ADGRB1: variants seen among roughly 807,000 people sequenced by gnomAD.
The protein encoded by ADGRB1 is brain-specific angiogenesis inhibitor 1.
In ADGRB1, 36 loss-of-function variants were observed where a neutral mutation model predicts 175.7. That is an observed-to-expected ratio of 0.20 (90% CI 0.16 to 0.27). ADGRB1 has a LOEUF of 0.27. Among genes scored for constraint, ADGRB1 ranks in the 10% least tolerant of loss-of-function variants. The probability of loss-of-function intolerance (pLI) is 1.00; values close to 1 mark genes in which losing one functional copy is unlikely to be tolerated. For missense variants in ADGRB1, 1,731 were observed against 2,255.3 expected (o/e 0.77, Z 4.71); for synonymous variants, 1,054 against 979.4 (o/e 1.08, Z -1.42).
chr8:142,478,102 A>C (rs1587294228), intron 6 of ADGRB1, 85 bp from the exon 7 acceptor site: 2 of 1,522,306 alleles, frequency 1.3e-6, no homozygotes, highest in South Asian at 1.2e-5. Context: ...GGGTGGTAGC[A>C]CCCAGGGTGC....
At chr8:142,533,524 G>T in intron 25 of ADGRB1, 58 bp downstream of exon 25, 1 of 1,509,370 alleles carries the variant, frequency 6.6e-7, no homozygotes, top group Non-Finnish European at 8.9e-7. Context: ...GCTGCCGAGT[G>T]GCCTCCTCCT....
rs1230576899 is a variant in ADGRB1 at position 142,521,906 on chromosome 8, G to A, written c.3025-59G>A. The A allele has an allele frequency of 7.8e-6, 12 of 1,529,354 alleles. No homozygotes were observed. The South Asian group carries it at 1.4e-4, about 18-fold the overall frequency. The allele number at this position is 1,529,354 out of a possible 1,614,324, so 94.7% of individuals were successfully genotyped here. ...CCAGCTGCAGACAGGCACTCAGTGGGGACAGGTGTGGGGCCGGGGAGCACC... is the reference window on the plus strand; with the variant it reads ...CCAGCTGCAGACAGGCACTCAGTGGAGACAGGTGTGGGGCCGGGGAGCACC... On this transcript the variant is annotated intron_variant, in intron 20 of 30. Coordinates refer to ENST00000517894, the MANE Select transcript of ADGRB1 (RefSeq NM_001702.3).
At chr8:142,487,488 G>A (rs537007425) in intron 13 of ADGRB1, among the ~76,000 whole-genome samples, 18 of 152,274 alleles carry the variant, frequency 1.2e-4, no homozygotes, top group Admixed American at 4.6e-4. Context: ...TCGGGCATCC[G>A]TGCCGCCCAC....
At position 142,478,061 on chromosome 8, in the gene ADGRB1, G is replaced by A. The variant is rs1386499448; in HGVS notation, c.1388-126G>A. On this transcript the variant is annotated intron_variant, in intron 6 of 30. Transcript: ENST00000517894. ...CTGGCCGTGGGTGGTGGCCCCCAGG[G>A]TGTTCTCATCTATGTCCCAGGCTGG... 1.0e-5 allele frequency: 13 copies of A among 1,296,760 alleles called. No individual in the cohort carries two copies. In the East Asian group the frequency reaches 1.3e-4, roughly 13 times the overall value. 80.3% of individuals were successfully genotyped at this position (1,296,760 alleles called of 1,614,324 possible).
chr8:142,481,184 C>T (rs1841315100), intron 9 of ADGRB1, 70 bp from the exon 10 acceptor site: 1 of 1,448,096 alleles, frequency 6.9e-7, no homozygotes, highest in African/African-American at 1.4e-5. Context: ...AGGTCTGCTG[C>T]CAGGGGCCAA....
chr8:142,533,610 G>A (rs920063128), intron 25 of ADGRB1, 144 bp downstream of exon 25: 53 of 1,013,404 alleles, frequency 5.2e-5, no homozygotes, highest in Non-Finnish European at 6.9e-5. Flanking sequence ...GGCCTCGGTG[G>A]TCCACAGAGC....
chr8:142,526,522 C>CCCCCCCA lies in ADGRB1; in HGVS notation c.3313-20_3313-19insCCCCCCA. 1.3e-6 allele frequency: 2 copies of CCCCCCCA among 1,543,514 alleles called. No individual in the cohort carries two copies. Among genetic ancestry groups the CCCCCCCA allele is most frequent in the Non-Finnish European group, 1.8e-6 (2 of 1,133,006 alleles). ...ACGGCGGCCCCCACCCCCACACCCC[C>CCCCCCCA]ACCACTCTCTGCCCGGCAGGTGAAC... On this transcript the variant is annotated intron_variant, in intron 23 of 30. Transcript: ENST00000517894.
At chr8:142,463,504 T>C (rs373656296) in intron 1 of ADGRB1, among the ~76,000 whole-genome samples, 2 of 152,356 alleles carry the variant, frequency 1.3e-5, no homozygotes, top group South Asian at 2.1e-4. Context: ...GTTTGCAGAA[T>C]CTTCCTGGGA....
intron 18 of ADGRB1, among the ~76,000 whole-genome samples, chr8:142,515,552 G>A (rs1010391548): frequency 1.2e-4 from 18 of 152,342 alleles, no homozygotes; most frequent in African/African-American, 3.8e-4. Flanking sequence ...GGCGCGAGAC[G>A]CTTACTCGGC....
chr8:142,484,923 C>G (rs1198798984), intron 13 of ADGRB1, among the ~76,000 whole-genome samples, 159 bp downstream of exon 13: 1 of 152,222 alleles, frequency 6.6e-6, no homozygotes, highest in Non-Finnish European at 1.5e-5. Context: ...TTTTCAGTCT[C>G]CTGAGGGTTG....
intron 6 of ADGRB1, among the ~76,000 whole-genome samples, 186 bp downstream of exon 6, chr8:142,477,735 C>A (rs1841059082): frequency 6.6e-6 from 1 of 152,218 alleles, no homozygotes; most frequent in Non-Finnish European, 1.5e-5. Flanking sequence ...ATTTCCCACC[C>A]ATATCCCAGG....
intron 2 of ADGRB1, among the ~76,000 whole-genome samples, chr8:142,468,321 A>T (rs1256417849): frequency 6.6e-6 from 1 of 152,034 alleles, no homozygotes; most frequent in Non-Finnish European, 1.5e-5. Context: ...GCGATTTTTG[A>T]CAGAACACAG....
intron 24 of ADGRB1, among the ~76,000 whole-genome samples, chr8:142,532,220 T>G (rs1844662088): frequency 6.6e-6 from 1 of 152,164 alleles, no homozygotes; most frequent in South Asian, 2.1e-4. Context: ...TGGGGCCTCC[T>G]GCGGGCAGGC....
chr8:142,502,375 GTTT>G, intron 17 of ADGRB1, among the ~76,000 whole-genome samples: 3 of 124,752 alleles, frequency 2.4e-5, no homozygotes, highest in Non-Finnish European at 3.5e-5. Flanking sequence ...TGGTTGCGTG[GTTT>G]TGATGATGAC....
intron 2 of ADGRB1, among the ~76,000 whole-genome samples, chr8:142,469,327 A>G (rs184061912): frequency 5.5e-5 from 8 of 145,596 alleles, no homozygotes; most frequent in Non-Finnish European, 9.0e-5. Flanking sequence ...ATGTGTGCAC[A>G]TGCATGTGTG....
intron 17 of ADGRB1, among the ~76,000 whole-genome samples, chr8:142,508,724 G>A (rs1322388336): frequency 1.3e-5 from 2 of 152,254 alleles, no homozygotes; most frequent in Non-Finnish European, 2.9e-5. Context: ...GGCACAGACA[G>A]AGGCATCCTC....
In ADGRB1 at chr8:142,520,886, T is replaced by C. The variant is rs1451016932; in HGVS notation, c.2985T>C (p.Asn995=). The C allele has an allele frequency of 1.2e-6, 2 of 1,613,720 alleles. No individual in the cohort carries two copies. Among genetic ancestry groups the C allele is most frequent in the East Asian group, 2.2e-5 (1 of 44,872 alleles). Residue 995 remains asparagine, a synonymous_variant, in exon 20 of 31, where the codon AAT becomes AAC. Transcript: ENST00000517894. ...INFCLSIISS[N]ALILIGQTQT... is the part of the protein sequence containing the mutation. Reference sequence around the variant, plus strand: ...TCTGCCTGTCCATCATCTCCTCCAATGCCCTCATCCTCATCGGGCAGACCC... The same window carrying C: ...TCTGCCTGTCCATCATCTCCTCCAACGCCCTCATCCTCATCGGGCAGACCC...
At chr8:142,456,732 C>T (rs1309095411) in intron 1 of ADGRB1, among the ~76,000 whole-genome samples, 1 of 152,278 alleles carries the variant, frequency 6.6e-6, no homozygotes, top group African/African-American at 2.4e-5. Flanking sequence ...CTCCCCACTG[C>T]CACATAACCA....
At chr8:142,456,954 G>A (rs1028414637) in intron 1 of ADGRB1, among the ~76,000 whole-genome samples, 2 of 152,246 alleles carry the variant, frequency 1.3e-5, no homozygotes, top group Admixed American at 1.3e-4. Context: ...TCTAGGCAAG[G>A]TAGCCCTCCT....
Sources: gnomAD v4.1 joint callset for allele counts (sites outside exome capture counted in the v4.1 genomes callset) on GRCh38, gnomAD v4.1.1 for gene constraint, MANE v1.5 for transcripts, NCBI Gene and HGNC (gene_info 2026-07-23, HGNC 2026-07-21) for gene names.